OSBPL10: variants seen among roughly 807,000 people sequenced by gnomAD.
The protein encoded by OSBPL10 is oxysterol binding protein like 10.
Under a neutral mutation model 81.7 loss-of-function variants are expected in OSBPL10, and 49 were observed. The ratio of observed to expected loss-of-function variants is 0.60; its 90% confidence interval spans 0.48 to 0.76. OSBPL10 has a LOEUF of 0.76. Among genes scored for constraint, OSBPL10 ranks in the 30% least tolerant of loss-of-function variants. The pLI, the probability that OSBPL10 is intolerant of heterozygous loss-of-function variation, is 0.00. For synonymous variants in OSBPL10, 419 were observed against 383.6 expected, an observed-to-expected ratio of 1.09 and a Z score of -1.08; for missense variants, 923 against 987.8, an observed-to-expected ratio of 0.93 and a Z score of 0.88.
intron 6 of OSBPL10, among the ~76,000 whole-genome samples, chr3:31,712,101 G>A (rs1696273431): frequency 1.3e-5 from 2 of 152,164 alleles, no homozygotes; most frequent in Non-Finnish European, 2.9e-5. Context: ...CTTACTGCAG[G>A]GAAGTACAGC....
intron 1 of OSBPL10, among the ~76,000 whole-genome samples, chr3:32,075,676 T>A (rs941167925): frequency 2.0e-5 from 3 of 152,096 alleles, no homozygotes; most frequent in Non-Finnish European, 4.4e-5. Context: ...CTGAGAGACA[T>A]TGCCCATTAT....
rs900457440 is a variant in OSBPL10, at chr3:31,770,585, G to A, written c.730-22465C>T. 8.5e-5 allele frequency among the ~76,000 whole-genome samples: 13 copies of A among 152,150 alleles called. No individual in the cohort carries two copies. In the South Asian group the frequency reaches 1.2e-3, roughly 15 times the overall value. ...GTGGATCATCTGAGCTCAGGAGTTC[G>A]AGACCAGCCTGACCAACATGGAGAA... On this transcript the variant is annotated intron_variant, in intron 4 of 11. Coordinates refer to ENST00000396556, the MANE Select transcript of OSBPL10 (RefSeq NM_017784.5).
At chr3:31,734,132 G>A (rs1697074885) in intron 5 of OSBPL10, among the ~76,000 whole-genome samples, 1 of 152,194 alleles carries the variant, frequency 6.6e-6, no homozygotes, top group Admixed American at 6.5e-5. Flanking sequence ...AAAGATGCCT[G>A]CAAAGTGAGC....
chr3:32,006,810 G>C (rs376020878), intron 2 of OSBPL10, among the ~76,000 whole-genome samples: 4 of 152,316 alleles, frequency 2.6e-5, no homozygotes, highest in African/African-American at 9.6e-5. Context: ...TGCTTTTGTT[G>C]CTGTGGCTTT....
chr3:32,069,797 C>A lies in OSBPL10; in HGVS notation n.185+7599G>T, dbSNP rs528393630. On this transcript the variant is annotated intron_variant and non_coding_transcript_variant, in intron 1 of 3. Coordinates refer to the OSBPL10 transcript ENST00000479173. Reference sequence around the variant, plus strand: ...GTAAGATAACCCACAACCACGGCTCCAGCATATAAGAACTTCAGAACATCA... The same window carrying A: ...GTAAGATAACCCACAACCACGGCTCAAGCATATAAGAACTTCAGAACATCA... 3.9e-4 allele frequency among the ~76,000 whole-genome samples: 60 copies of A among 152,330 alleles called. No homozygotes were observed. In the South Asian group the frequency reaches 0.012, roughly 30 times the overall value.
intron 1 of OSBPL10, among the ~76,000 whole-genome samples, chr3:31,900,172 C>T (rs1056245424): frequency 4.6e-5 from 7 of 151,582 alleles, no homozygotes; most frequent in African/African-American, 7.3e-5. Flanking sequence ...TACAGGCACA[C>T]GCCACCATGC....
At chr3:31,977,940 A>G (rs929175675) in intron 1 of OSBPL10, among the ~76,000 whole-genome samples, 1 of 152,202 alleles carries the variant, frequency 6.6e-6, no homozygotes, top group African/African-American at 2.4e-5. Context: ...GCACGTTCCC[A>G]TCATACAGTG....
At chr3:31,732,385 A>G (rs1259148767) in intron 6 of OSBPL10, among the ~76,000 whole-genome samples, 1 of 152,200 alleles carries the variant, frequency 6.6e-6, no homozygotes, top group Non-Finnish European at 1.5e-5. Context: ...GATCAAAGAC[A>G]CTGCCTTGGG....
At chr3:31,867,528 G>A (rs995342785) in intron 3 of OSBPL10, among the ~76,000 whole-genome samples, 2 of 152,120 alleles carry the variant, frequency 1.3e-5, no homozygotes, top group Admixed American at 6.5e-5. Context: ...GATCACTTGA[G>A]GTCGGAAGTT....
intron 1 of OSBPL10, among the ~76,000 whole-genome samples, chr3:32,058,186 C>A (rs539683526): frequency 1.1e-4 from 17 of 152,028 alleles, no homozygotes; most frequent in African/African-American, 4.1e-4. Flanking sequence ...GGATGAGATG[C>A]CCTAATGTCT....
Position 31,915,004 on chromosome 3 carries a change from G to A in OSBPL10, c.282-35174C>T, listed in dbSNP as rs139135437. On this transcript the variant is annotated intron_variant, in intron 1 of 11. Coordinates refer to ENST00000396556, the MANE Select transcript of OSBPL10 (RefSeq NM_017784.5). ...CTTTGAGACAGAGTCTCACTCTGTC[G>A]CCCAAGCTCCGTGCTGGAGTGCAGT... Among the ~76,000 whole-genome samples, 12 of 151,966 alleles carry A rather than the reference G, an allele frequency of 7.9e-5. No homozygotes were observed. The East Asian group carries it at 2.1e-3, about 27-fold the overall frequency.
At chr3:32,009,108 T>G (rs752887463) in intron 2 of OSBPL10, among the ~76,000 whole-genome samples, 1 of 152,226 alleles carries the variant, frequency 6.6e-6, no homozygotes, top group Non-Finnish European at 1.5e-5. Flanking sequence ...AAAGTGTTTT[T>G]GTTATAAAAT....
At chr3:31,741,911 C>T (rs1697365950) in intron 5 of OSBPL10, among the ~76,000 whole-genome samples, 1 of 152,162 alleles carries the variant, frequency 6.6e-6, no homozygotes, top group Non-Finnish European at 1.5e-5. Flanking sequence ...TCGCCTGCTG[C>T]CATCCACATA....
At chr3:31,991,230 G>A (rs537127699) in intron 2 of OSBPL10, 1 of 432,342 alleles carries the variant, frequency 2.3e-6, no homozygotes, top group Non-Finnish European at 4.2e-6. Flanking sequence ...TAGATCACTT[G>A]AGGTCAGGAG....
At chr3:32,031,139 G>A (rs1163578302) in intron 2 of OSBPL10, among the ~76,000 whole-genome samples, 1 of 151,610 alleles carries the variant, frequency 6.6e-6, no homozygotes, top group Non-Finnish European at 1.5e-5. Context: ...ACTCTAGCCT[G>A]GGCGACCAAG....
At chr3:32,045,313 G>A (rs1699611482) in intron 2 of OSBPL10, among the ~76,000 whole-genome samples, 1 of 152,160 alleles carries the variant, frequency 6.6e-6, no homozygotes, top group African/African-American at 2.4e-5. Context: ...TGAGCCACTA[G>A]GAGCTAGATT....
chr3:31,934,699 G>C (rs748214070), intron 1 of OSBPL10, among the ~76,000 whole-genome samples: 1 of 151,962 alleles, frequency 6.6e-6, no homozygotes, highest in Non-Finnish European at 1.5e-5. Flanking sequence ...AAAAAAAAAG[G>C]CTGACTATAT....
chr3:31,980,514 A>G (rs1698803716), intron 1 of OSBPL10, among the ~76,000 whole-genome samples: 1 of 152,214 alleles, frequency 6.6e-6, no homozygotes, highest in African/African-American at 2.4e-5. Flanking sequence ...ACCCCGGCAC[A>G]AAGCACGCCC....
intron 1 of OSBPL10, among the ~76,000 whole-genome samples, chr3:31,902,416 C>T (rs986838764): frequency 2.6e-5 from 4 of 151,942 alleles, no homozygotes; most frequent in Non-Finnish European, 4.4e-5. Context: ...GTGGCTGCCA[C>T]CACACCCAGC....
Sources: allele counts gnomAD v4.1 joint callset (sites outside exome capture counted in the v4.1 genomes callset), GRCh38; gene constraint gnomAD v4.1.1; transcripts MANE v1.5; gene names NCBI Gene and HGNC (gene_info 2026-07-23, HGNC 2026-07-21).